Variants in AMPH observed in about 807,000 individuals in gnomAD.
The protein encoded by AMPH is amphiphysin (Stiff-Mann syndrome with breast cancer 128kD autoantigen).
A neutral mutation model predicts 99.1 loss-of-function variants in AMPH; 49 were observed. The ratio of observed to expected loss-of-function variants is 0.49; its 90% CI spans 0.39 to 0.63. AMPH has a LOEUF of 0.63. Among genes scored for constraint, AMPH ranks in the 20% least tolerant of loss-of-function variants. The probability of loss-of-function intolerance (pLI) is 0.00; values close to 1 mark genes in which losing one functional copy is unlikely to be tolerated. For synonymous variants in AMPH, 314 were observed against 317.3 expected, an observed-to-expected ratio of 0.99 and a Z score of 0.11; for missense variants, 759 against 863.4, an observed-to-expected ratio of 0.88 and a Z score of 1.52.
chr7:38,578,153 A>G (rs1792315737), intron 1 of AMPH, among the ~76,000 whole-genome samples: 1 of 152,140 alleles, frequency 6.6e-6, no homozygotes, highest in Non-Finnish European at 1.5e-5. Flanking sequence ...ACCACTGCAA[A>G]GTCAGAAAGA....
At position 38,478,040 on chromosome 7, in the gene AMPH, C is replaced by T. The variant is rs371636905; in HGVS notation, c.397-1071G>A. 4.0e-5 allele frequency among the ~76,000 whole-genome samples: 6 copies of T among 149,708 alleles called. No individual in the cohort carries two copies. The South Asian group carries it at 1.3e-3, about 32-fold the overall frequency. ...GATATGAGGCTGACTTTGCCTAAAA[C>T]AAGGCCGGGAAAGGATTTAAAACAA... On this transcript the variant is annotated intron_variant, in intron 5 of 20. Transcript: ENST00000356264.
intron 3 of AMPH, among the ~76,000 whole-genome samples, chr7:38,496,838 C>T (rs1788951096): frequency 6.6e-6 from 1 of 152,098 alleles, no homozygotes; most frequent in African/African-American, 2.4e-5. Context: ...GGAAACTATA[C>T]ACAACTGTGT....
intron 3 of AMPH, among the ~76,000 whole-genome samples, chr7:38,502,632 T>G (rs571445839): frequency 6.6e-6 from 1 of 152,326 alleles, no homozygotes; most frequent in East Asian, 1.9e-4. Flanking sequence ...CAAACGGATG[T>G]AGTTCTCCTG....
chr7:38,456,691 C>T (rs1342858451), intron 11 of AMPH, among the ~76,000 whole-genome samples: 1 of 152,226 alleles, frequency 6.6e-6, no homozygotes, highest in Non-Finnish European at 1.5e-5. Flanking sequence ...ACATCACCCA[C>T]ATCACAGCAG....
chr7:38,630,523 T>A (rs949912615), intron 1 of AMPH, among the ~76,000 whole-genome samples: 10 of 152,218 alleles, frequency 6.6e-5, no homozygotes, highest in Non-Finnish European at 1.3e-4. Flanking sequence ...CTGGATTTTT[T>A]AAAATGCAAT....
At chr7:38,474,086 A>T (rs1787994236) in intron 7 of AMPH, among the ~76,000 whole-genome samples, 1 of 152,048 alleles carries the variant, frequency 6.6e-6, no homozygotes, top group Non-Finnish European at 1.5e-5. Flanking sequence ...CAACAGGATG[A>T]CGAGGGTTAG....
At chr7:38,461,736 A>C (rs941212489) in intron 10 of AMPH, among the ~76,000 whole-genome samples, 7 of 152,264 alleles carry the variant, frequency 4.6e-5, no homozygotes, top group Non-Finnish European at 1.0e-4. Context: ...TTCTGAACTA[A>C]ACTGAAAATA....
chr7:38,553,811 G>C (rs375773024), intron 1 of AMPH, among the ~76,000 whole-genome samples: 1 of 152,178 alleles, frequency 6.6e-6, no homozygotes, highest in Non-Finnish European at 1.5e-5. Context: ...TCACATGCTT[G>C]GAGTCTCATC....
chr7:38,571,060 TTG>T (rs1791959880), intron 1 of AMPH, among the ~76,000 whole-genome samples: 1 of 56,608 alleles, frequency 1.8e-5, no homozygotes, highest in African/African-American at 7.2e-5. Context: ...TATTCATATA[TTG>T]AATATATATA....
intron 4 of AMPH, among the ~76,000 whole-genome samples, chr7:38,491,992 T>G (rs1260583144): frequency 6.6e-6 from 1 of 152,232 alleles, no homozygotes; most frequent in Non-Finnish European, 1.5e-5. Flanking sequence ...TGTAAAGTGC[T>G]TCACAGAATT....
intron 1 of AMPH, among the ~76,000 whole-genome samples, chr7:38,619,115 C>T (rs981963628): frequency 6.6e-6 from 1 of 152,162 alleles, no homozygotes; most frequent in African/African-American, 2.4e-5. Context: ...TTGCTTGAGT[C>T]CAGGAATTCG....
intron 2 of AMPH, among the ~76,000 whole-genome samples, chr7:38,515,115 A>T (rs1039292598): frequency 1.3e-5 from 2 of 152,216 alleles, no homozygotes; most frequent in African/African-American, 4.8e-5. Context: ...GTCTCAGACA[A>T]AAAAGAGGAA....
chr7:38,429,586 T>C (rs1473245347), intron 14 of AMPH: 5 of 1,448,028 alleles, frequency 3.5e-6, no homozygotes, highest in African/African-American at 2.9e-5. Flanking sequence ...GTCTTTAAAG[T>C]ATGCAGAAGA....
intron 1 of AMPH, among the ~76,000 whole-genome samples, chr7:38,618,479 T>G (rs1473535979): frequency 6.6e-6 from 1 of 152,036 alleles, no homozygotes; most frequent in African/African-American, 2.4e-5. Context: ...GCCACTGCAC[T>G]CTAGCCTGGG....
chr7:38,491,597 C>G (rs1343814976), intron 4 of AMPH, among the ~76,000 whole-genome samples: 1 of 152,176 alleles, frequency 6.6e-6, no homozygotes, highest in Non-Finnish European at 1.5e-5. Context: ...TGGGAAAGGT[C>G]TTACCATTTA....
intron 1 of AMPH, among the ~76,000 whole-genome samples, chr7:38,559,140 G>A (rs887664959): frequency 6.6e-6 from 1 of 152,212 alleles, no homozygotes; most frequent in African/African-American, 2.4e-5. Context: ...CCCACAAAGT[G>A]TGCAGCTTGC....
intron 5 of AMPH, among the ~76,000 whole-genome samples, chr7:38,478,554 C>A (rs930696066): frequency 1.3e-5 from 2 of 151,952 alleles, no homozygotes; most frequent in Non-Finnish European, 2.9e-5. Flanking sequence ...GGCATTCAAT[C>A]AAAAATTACA....
intron 1 of AMPH, among the ~76,000 whole-genome samples, chr7:38,623,902 CAT>C (rs1244280110): frequency 6.6e-6 from 1 of 152,216 alleles, no homozygotes; most frequent in Non-Finnish European, 1.5e-5. Context: ...CACTGAAGCA[CAT>C]GACTCTGCCA....
rs758157060 is a variant in AMPH, at chr7:38,475,317, A to G, written c.590+14T>C. On this transcript the variant is annotated intron_variant, in intron 7 of 20. Transcript: ENST00000356264. ...TAAAAGGAACATGTGCAACCCATAG[A>G]GAAACATTTTTACCTTGACCATAAT... 1 of 1,578,870 alleles carries G rather than the reference A, an allele frequency of 6.3e-7. No individual in the cohort carries two copies. The highest frequency in any genetic ancestry group is 2.2e-5 in the East Asian group (1 of 44,562).
Sources: allele counts gnomAD v4.1 joint callset (sites outside exome capture counted in the v4.1 genomes callset), GRCh38; gene constraint gnomAD v4.1.1; transcripts MANE v1.5; gene names NCBI Gene and HGNC (gene_info 2026-07-23, HGNC 2026-07-21).